TCAIM: variants seen among roughly 807,000 people sequenced by gnomAD.
TCAIM encodes the protein T cell activation inhibitor, mitochondrial.
A neutral mutation model predicts 58.6 loss-of-function variants in TCAIM; 36 were observed. That is an observed-to-expected ratio of 0.61 (90% CI 0.47 to 0.81). The LOEUF is 0.81. Ranked by LOEUF, TCAIM falls within the 30% of genes least tolerant of loss-of-function variation. TCAIM has a pLI of 0.00. For synonymous variants in TCAIM, 172 were observed against 193.6 expected (o/e 0.89, Z 0.93); for missense variants, 466 against 579.6 (o/e 0.80, Z 2.01).
At chr3:44,354,942 G>T in intron 2 of TCAIM, 131 bp downstream of exon 2, 1 of 1,096,200 alleles carries the variant, frequency 9.1e-7, no homozygotes, top group Non-Finnish European at 1.3e-6. Flanking sequence ...GGAACAAAAA[G>T]AAAGAAAATT....
At chr3:44,361,591 G>A in intron 4 of TCAIM, 73 bp downstream of exon 4, 1 of 1,344,108 alleles carries the variant, frequency 7.4e-7, no homozygotes, top group Non-Finnish European at 9.8e-7. Context: ...GACATTGCCA[G>A]AATACCTTTG....
At position 44,407,762 on chromosome 3, in the gene TCAIM, C is replaced by T; in HGVS notation, c.*80C>T. ...TATTTAAATCCACAATTTGATATAA[C>T]AGTATTATTTACATAAGAACAAAGT... is the stretch of plus-strand genomic sequence containing the variant. On this transcript the variant is annotated 3_prime_UTR_variant, in exon 11 of 11. Transcript: ENST00000342649. 1.5e-6 allele frequency: 2 copies of T among 1,373,566 alleles called. No individual in the cohort carries two copies. The highest frequency in any genetic ancestry group is 1.6e-5 in the South Asian group (1 of 64,404). The allele number at this position is 1,373,566 out of a possible 1,614,324, so 85.1% of individuals were successfully genotyped here.
intron 10 of TCAIM, among the ~76,000 whole-genome samples, chr3:44,406,959 G>A (rs1702110417): frequency 6.6e-6 from 1 of 152,194 alleles, no homozygotes; most frequent in Non-Finnish European, 1.5e-5. Context: ...CAGACAGGGG[G>A]CTGGTGAGGT....
intron 9 of TCAIM, chr3:44,400,883 T>C: frequency 2.0e-6 from 1 of 490,446 alleles, no homozygotes; most frequent in East Asian, 3.9e-5. Flanking sequence ...AGCCAACATT[T>C]GTGGTGTATA....
chr3:44,352,882 TGCTTGGAATCATAC>T (rs1414111999), intron 1 of TCAIM, among the ~76,000 whole-genome samples: 59 of 152,058 alleles, frequency 3.9e-4, no homozygotes, highest in South Asian at 1.2e-3. Context: ...TGGAATCATA[TGCTTGGAATCATAC>T]AGTATACAGC....
At chr3:44,389,295 A>C (rs1701794822) in intron 5 of TCAIM, among the ~76,000 whole-genome samples, 1 of 152,230 alleles carries the variant, frequency 6.6e-6, no homozygotes, top group African/African-American at 2.4e-5. Context: ...GTCTCAAAAA[A>C]TAATAATAAT....
intron 1 of TCAIM, among the ~76,000 whole-genome samples, chr3:44,352,547 C>A (rs1048826082): frequency 2.0e-4 from 30 of 152,138 alleles, no homozygotes; most frequent in Admixed American, 6.5e-5. Context: ...ATACTCACAT[C>A]CCTACTCACG....
chr3:44,342,856 G>C (rs753557266), intron 1 of TCAIM, among the ~76,000 whole-genome samples: 57 of 151,996 alleles, frequency 3.8e-4, no homozygotes, highest in Non-Finnish European at 4.4e-4. Flanking sequence ...ACATTTTAAG[G>C]CTGGACACAG....
At chr3:44,372,679 C>T (rs750849165) in intron 5 of TCAIM, among the ~76,000 whole-genome samples, 13 of 151,738 alleles carry the variant, frequency 8.6e-5, no homozygotes, top group Non-Finnish European at 1.6e-4. Context: ...CTGCAAGCTC[C>T]GCCTCCCGGG....
chr3:44,363,562 C>A (rs1028961535), intron 4 of TCAIM, among the ~76,000 whole-genome samples: 1 of 152,126 alleles, frequency 6.6e-6, no homozygotes, highest in Non-Finnish European at 1.5e-5. Flanking sequence ...ATTATTAATA[C>A]ATTGAAATCC....
intron 5 of TCAIM, among the ~76,000 whole-genome samples, chr3:44,379,397 C>G (rs1358861407): frequency 6.6e-6 from 1 of 152,156 alleles, no homozygotes; most frequent in Non-Finnish European, 1.5e-5. Context: ...ATAAATCATT[C>G]TACTGTAAAC....
chr3:44,404,424 G>C (rs75632644), intron 10 of TCAIM, among the ~76,000 whole-genome samples: 2 of 152,080 alleles, frequency 1.3e-5, no homozygotes, highest in East Asian at 3.9e-4. Context: ...AATACCGATT[G>C]ACCTTTCACC....
chr3:44,383,624 G>T (rs1431059380), intron 5 of TCAIM, among the ~76,000 whole-genome samples: 1 of 152,014 alleles, frequency 6.6e-6, no homozygotes, highest in East Asian at 1.9e-4. Context: ...ATTGATGGTG[G>T]TGATAGTTGC....
chr3:44,353,794 C>T (rs1056594617), intron 1 of TCAIM, among the ~76,000 whole-genome samples: 4 of 152,076 alleles, frequency 2.6e-5, no homozygotes, highest in Non-Finnish European at 2.9e-5. Context: ...CATTGTTAAG[C>T]TTTAGGAGTT....
chr3:44,343,649 A>G (rs528630212), intron 1 of TCAIM, among the ~76,000 whole-genome samples: 1 of 152,304 alleles, frequency 6.6e-6, no homozygotes, highest in East Asian at 1.9e-4. Flanking sequence ...CTACTGTTTT[A>G]GACAGCAGAG....
chr3:44,342,234 CTT>C (rs1700868508), intron 1 of TCAIM, among the ~76,000 whole-genome samples: 1 of 152,120 alleles, frequency 6.6e-6, no homozygotes, highest in South Asian at 2.1e-4. Context: ...TTAATGAAAA[CTT>C]AAGATTCAGA....
intron 6 of TCAIM, among the ~76,000 whole-genome samples, chr3:44,394,763 A>G (rs1701895522): frequency 6.6e-6 from 1 of 150,392 alleles, no homozygotes; most frequent in Admixed American, 6.6e-5. Context: ...GCCTGGTGGC[A>G]CGTGCCTGTA....
intron 10 of TCAIM, among the ~76,000 whole-genome samples, chr3:44,401,594 G>C (rs1702022448): frequency 6.6e-6 from 1 of 152,180 alleles, no homozygotes; most frequent in African/African-American, 2.4e-5. Context: ...GAATTTTCCA[G>C]ATGGAAAAGA....
At chr3:44,372,864 G>A (rs748688040) in intron 5 of TCAIM, among the ~76,000 whole-genome samples, 11 of 152,070 alleles carry the variant, frequency 7.2e-5, no homozygotes, top group Non-Finnish European at 1.6e-4. Flanking sequence ...AAAGCACTGG[G>A]ATTACAGGTG....
Sources: gnomAD v4.1 joint callset for allele counts (sites outside exome capture counted in the v4.1 genomes callset) on GRCh38, gnomAD v4.1.1 for gene constraint, MANE v1.5 for transcripts, NCBI Gene and HGNC (gene_info 2026-07-23, HGNC 2026-07-21) for gene names.